The following OXCT1 variants were observed in gnomAD, a reference collection of about 807,000 sequenced individuals.
OXCT1 encodes 3-oxoacid CoA-transferase 1.
In OXCT1, 27 loss-of-function variants were observed where a neutral mutation model predicts 69.6. That is an observed-to-expected ratio of 0.39 (90% confidence interval 0.29 to 0.54). OXCT1 has a LOEUF of 0.54. Ranked by LOEUF, OXCT1 falls within the 20% of genes least tolerant of loss-of-function variation. The pLI is 0.72. For missense variants in OXCT1, 437 were observed against 650.2 expected, an observed-to-expected ratio of 0.67 and a Z score of 3.57; for synonymous variants, 202 against 217.8, an observed-to-expected ratio of 0.93 and a Z score of 0.64.
At chr5:41,769,560 CAAAAAA>C (rs1011999912) in intron 13 of OXCT1, among the ~76,000 whole-genome samples, 17 of 92,426 alleles carry the variant, frequency 1.8e-4, no homozygotes, top group African/African-American at 6.8e-4. Context: ...CTATCTCTAC[CAAAAAA>C]AAAAAAAAAA....
At chr5:41,791,397 G>A (rs1745909661) in intron 13 of OXCT1, among the ~76,000 whole-genome samples, 1 of 152,132 alleles carries the variant, frequency 6.6e-6, no homozygotes, top group Non-Finnish European at 1.5e-5. Context: ...TTGGGAACTC[G>A]TGGGCTCCAA....
At chr5:41,841,018 T>A (rs370223071) in intron 6 of OXCT1, among the ~76,000 whole-genome samples, 1 of 152,072 alleles carries the variant, frequency 6.6e-6, no homozygotes, top group Non-Finnish European at 1.5e-5. Context: ...AATTTGTGAG[T>A]CAACTATAAA....
At chr5:41,771,735 A>C (rs555430403) in intron 13 of OXCT1, among the ~76,000 whole-genome samples, 7 of 152,216 alleles carry the variant, frequency 4.6e-5, no homozygotes, top group Non-Finnish European at 4.4e-5. Context: ...AGTTTATTGA[A>C]TATAGCTAAG....
intron 13 of OXCT1, among the ~76,000 whole-genome samples, chr5:41,791,336 A>G (rs1346756182): frequency 6.6e-6 from 1 of 152,220 alleles, no homozygotes; most frequent in Non-Finnish European, 1.5e-5. Context: ...CTAGACTTCC[A>G]TGATGTTCCT....
chr5:41,824,825 T>C (rs1747723266), intron 7 of OXCT1, among the ~76,000 whole-genome samples: 1 of 152,226 alleles, frequency 6.6e-6, no homozygotes, highest in African/African-American at 2.4e-5. Context: ...AAACTCATTC[T>C]TAATCTCATA....
chr5:41,752,960 T>C (rs1743868181), intron 14 of OXCT1, among the ~76,000 whole-genome samples: 1 of 152,096 alleles, frequency 6.6e-6, no homozygotes, highest in Non-Finnish European at 1.5e-5. Flanking sequence ...AACACTCTAG[T>C]ACTTTCTATT....
chr5:41,793,119 A>G (rs1746002837), intron 13 of OXCT1, among the ~76,000 whole-genome samples: 1 of 152,222 alleles, frequency 6.6e-6, no homozygotes, highest in Non-Finnish European at 1.5e-5. Context: ...GTTATCAACT[A>G]CATTAATCCA....
At chr5:41,793,598 A>G (rs1746033866) in intron 13 of OXCT1, among the ~76,000 whole-genome samples, 1 of 152,266 alleles carries the variant, frequency 6.6e-6, no homozygotes, top group African/African-American at 2.4e-5. Context: ...GATGATTTCA[A>G]TCACTGATTA....
chr5:41,753,347 G>A (rs1743906423), intron 14 of OXCT1, among the ~76,000 whole-genome samples: 1 of 151,514 alleles, frequency 6.6e-6, no homozygotes, highest in Non-Finnish European at 1.5e-5. Context: ...ACACACGTGT[G>A]CACGTATTTT....
intron 7 of OXCT1, among the ~76,000 whole-genome samples, chr5:41,832,533 C>T (rs916988285): frequency 1.3e-5 from 2 of 152,100 alleles, no homozygotes; most frequent in Admixed American, 6.6e-5. Flanking sequence ...ACCTAGAAAG[C>T]GTTCCCAAGG....
intron 10 of OXCT1, 85 bp from the exon 11 acceptor site, chr5:41,801,155 A>T (rs913791657): frequency 1.9e-6 from 2 of 1,059,388 alleles, no homozygotes; most frequent in African/African-American, 3.2e-5. Context: ...TAACTTCCCT[A>T]AAAACCCTAT....
intron 13 of OXCT1, among the ~76,000 whole-genome samples, chr5:41,793,566 A>G (rs1746031637): frequency 6.6e-6 from 1 of 152,268 alleles, no homozygotes. Flanking sequence ...ATGATTATTT[A>G]TGGGGTCACA....
chr5:41,780,871 G>A (rs776271458), intron 13 of OXCT1, among the ~76,000 whole-genome samples: 9 of 151,614 alleles, frequency 5.9e-5, no homozygotes, highest in African/African-American at 1.5e-4. Flanking sequence ...TTCATGTTTC[G>A]TGTACTGCAC....
At chr5:41,862,809 G>T (rs1476288686) in intron 1 of OXCT1, 59 bp from the exon 2 acceptor site, 3 of 1,000,482 alleles carry the variant, frequency 3.0e-6, no homozygotes, top group Non-Finnish European at 4.8e-6. Flanking sequence ...TACTTTGTGT[G>T]TGTAGCAATT....
intron 7 of OXCT1, among the ~76,000 whole-genome samples, chr5:41,835,231 G>T (rs1269290652): frequency 6.6e-6 from 1 of 152,056 alleles, no homozygotes; most frequent in Non-Finnish European, 1.5e-5. Context: ...TAGAAGAAAT[G>T]AATAAATTCC....
intron 13 of OXCT1, among the ~76,000 whole-genome samples, chr5:41,773,499 A>T (rs1332183449): frequency 6.6e-6 from 1 of 152,042 alleles, no homozygotes; most frequent in Admixed American, 6.5e-5. Flanking sequence ...TGGGAGGCTG[A>T]AGTGGGAGGA....
At chr5:41,852,001 T>C (rs992916871) in intron 4 of OXCT1, among the ~76,000 whole-genome samples, 20 of 152,076 alleles carry the variant, frequency 1.3e-4, no homozygotes, top group African/African-American at 4.6e-4. Context: ...TGATCTGGTA[T>C]GATTAGTGTT....
chr5:41,859,864 A>AATATAT lies in OXCT1; in HGVS notation c.278+1444_278+1449dup, dbSNP rs3050894. ...AACTATTATACCTGACTAGTATAGTAATATATATATATATATATATATGTA... is the reference window on the plus strand; with the variant it reads ...AACTATTATACCTGACTAGTATAGTAATATATATATATATATATATATATATATGTA... On this transcript the variant is annotated intron_variant, in intron 3 of 16. Transcript: ENST00000196371. Among the ~76,000 whole-genome samples the AATATAT allele has an allele frequency of 9.7e-3, 1,162 of 120,082 alleles. 34 individuals carry two copies. Among genetic ancestry groups the AATATAT allele is most frequent in the African/African-American group, 0.033 (1,084 of 32,890 alleles). The allele number at this position is 120,082 out of a possible 152,430, so 78.8% of individuals were successfully genotyped here.
At chr5:41,812,748 G>C (rs569108221) in intron 7 of OXCT1, among the ~76,000 whole-genome samples, 1 of 152,098 alleles carries the variant, frequency 6.6e-6, no homozygotes, top group South Asian at 2.1e-4. Flanking sequence ...AAAGAAAGTA[G>C]AACTAGTATG....
Sources: gnomAD v4.1 joint callset for allele counts (sites outside exome capture counted in the v4.1 genomes callset) on GRCh38, gnomAD v4.1.1 for gene constraint, MANE v1.5 for transcripts, NCBI Gene and HGNC (gene_info 2026-07-23, HGNC 2026-07-21) for gene names.